The following STARD9 variants were observed in gnomAD, a reference collection of about 807,000 sequenced individuals.
STARD9 encodes the protein StAR related lipid transfer domain containing 9.
Under a neutral mutation model 399.8 loss-of-function variants are expected in STARD9, and 346 were observed. The observed-to-expected ratio is 0.87, with a 90% CI of 0.79 to 0.95. STARD9 has a LOEUF of 0.95. Ranked by LOEUF, STARD9 falls within the 40% of genes least tolerant of loss-of-function variation. The pLI, the probability that STARD9 is intolerant of heterozygous loss-of-function variation, is 0.00. For synonymous variants in STARD9, 2,203 were observed against 2,143.5 expected (o/e 1.03, Z -0.77); for missense variants, 5,832 against 5,667.5 (o/e 1.03, Z -0.93).
chr15:42,611,727 G>A (rs2058853891), intron 3 of STARD9, among the ~76,000 whole-genome samples: 1 of 152,122 alleles, frequency 6.6e-6, no homozygotes, highest in South Asian at 2.1e-4. Context: ...TTGTATTAGG[G>A]CTTTTTCAGG....
At chr15:42,603,847 T>C (rs1326869418) in intron 3 of STARD9, among the ~76,000 whole-genome samples, 1 of 152,124 alleles carries the variant, frequency 6.6e-6, no homozygotes, top group Non-Finnish European at 1.5e-5. Flanking sequence ...TGAAAAATAC[T>C]TCAATTCCTA....
chr15:42,593,811 C>A (rs1595596683), intron 3 of STARD9, among the ~76,000 whole-genome samples: 1 of 151,546 alleles, frequency 6.6e-6, no homozygotes, highest in East Asian at 1.9e-4. Flanking sequence ...CTACAGGCGC[C>A]CGCCACCACG....
intron 3 of STARD9, among the ~76,000 whole-genome samples, chr15:42,601,401 G>C (rs1167316852): frequency 6.6e-6 from 1 of 151,688 alleles, no homozygotes; most frequent in Admixed American, 6.6e-5. Flanking sequence ...ACGGGGTGGC[G>C]GCCGGGCAGA....
intron 26 of STARD9, among the ~76,000 whole-genome samples, chr15:42,699,485 C>G (rs2060917483): frequency 6.7e-6 from 1 of 150,026 alleles, no homozygotes; most frequent in Admixed American, 6.6e-5. Flanking sequence ...GCTCCGCCTC[C>G]CGGGTTCACG....
intron 3 of STARD9, among the ~76,000 whole-genome samples, chr15:42,588,776 GTTTTTTTTTTTTTTTTTTTTTTTTTTT>G (rs758570571): frequency 2.6e-5 from 1 of 38,382 alleles, no homozygotes; most frequent in Admixed American, 4.4e-4. Flanking sequence ...TCTTCACAGC[GTTTTTTTTTTTTTTTTTTTTTTTTTTT>G]TTTTTTTTTT....
chr15:42,714,015 A>G (rs2061303515), intron 26 of STARD9, among the ~76,000 whole-genome samples: 1 of 151,060 alleles, frequency 6.6e-6, no homozygotes, highest in African/African-American at 2.4e-5. Flanking sequence ...TTCTTTGATC[A>G]CTAATTTAGT....
chr15:42,596,135 C>T (rs1042135855), intron 3 of STARD9, among the ~76,000 whole-genome samples: 1 of 152,122 alleles, frequency 6.6e-6, no homozygotes, highest in African/African-American at 2.4e-5. Context: ...ATGGAAATTC[C>T]TTGTGGTAGC....
chr15:42,688,567 A>C lies in STARD9; in HGVS notation c.6989A>C (p.Asp2330Ala). The C allele has an allele frequency of 6.5e-7, 1 of 1,537,698 alleles. No individual in the cohort carries two copies. Among genetic ancestry groups the C allele is most frequent in the Non-Finnish European group, 8.7e-7 (1 of 1,147,028 alleles). Residue 2330 changes from aspartate to alanine, a missense_variant, in exon 23 of 33, where the codon GAC becomes GCC. Physicochemically the swap from Asp to Ala is moderately radical, Grantham distance 126. Transcript: ENST00000290607. Reference protein sequence around the residue: ...TEFCTAPLHQDLSNTLPLNSP... With the variant: ...TEFCTAPLHQALSNTLPLNSP... ...TTCTGTACAGCTCCTCTTCACCAAG[A>C]CCTGAGTAATACCTTGCCCTTGAAT...
At chr15:42,595,060 C>T (rs76465418) in intron 3 of STARD9, among the ~76,000 whole-genome samples, 141 of 152,202 alleles carry the variant, frequency 9.3e-4, no homozygotes, top group African/African-American at 3.2e-3. Flanking sequence ...TGTGACCTTC[C>T]CTTCTTTTAT....
intron 3 of STARD9, among the ~76,000 whole-genome samples, chr15:42,606,039 G>T (rs550749591): frequency 6.6e-6 from 1 of 152,198 alleles, no homozygotes; most frequent in Non-Finnish European, 1.5e-5. Flanking sequence ...TGGAAAAGTT[G>T]TACTTAATTT....
At chr15:42,619,284 T>C (rs528232360) in intron 3 of STARD9, among the ~76,000 whole-genome samples, 5 of 152,310 alleles carry the variant, frequency 3.3e-5, no homozygotes, top group South Asian at 2.1e-4. Flanking sequence ...ACCACTGATA[T>C]GCTTTTTGTT....
chr15:42,717,635 A>T, intron 28 of STARD9, 96 bp from the exon 29 acceptor site: 1 of 1,111,310 alleles, frequency 9.0e-7, no homozygotes, highest in Non-Finnish European at 1.3e-6. Flanking sequence ...AAAAAAAAAG[A>T]AAAGGGGAAT....
At chr15:42,653,271 C>T (rs1004878288) in intron 9 of STARD9, among the ~76,000 whole-genome samples, 3 of 152,120 alleles carry the variant, frequency 2.0e-5, no homozygotes, top group African/African-American at 7.2e-5. Context: ...GAGGTCAAGT[C>T]ATATCCCCAA....
In STARD9 at chr15:42,686,407, CAG is replaced by C; in HGVS notation, c.4833_4834del (p.Asn1612ArgfsTer11). The C allele has an allele frequency of 6.5e-7, 1 of 1,537,730 alleles. No homozygotes were observed. ...TCTACAAATGCACAGGTCTTTGCAA[CAG>C]AGAACGCGATACCAGATTCCATGAC... On this transcript the variant is annotated frameshift_variant, in exon 23 of 33. Transcript: ENST00000290607. LOFTEE classifies it high-confidence loss of function.
At chr15:42,583,538 G>C in intron 2 of STARD9, 123 bp downstream of exon 2, 1 of 631,092 alleles carries the variant, frequency 1.6e-6, no homozygotes. Flanking sequence ...TATATAAGAG[G>C]AATAGGGGGA....
At chr15:42,601,610 G>A (rs141297638) in intron 3 of STARD9, among the ~76,000 whole-genome samples, 8,481 of 151,048 alleles carry the variant, frequency 0.056, 568 homozygotes, top group Admixed American at 0.15. Flanking sequence ...GCGGCTGGCC[G>A]GGTGGGGGCT....
intron 9 of STARD9, among the ~76,000 whole-genome samples, chr15:42,656,105 C>T (rs1476017503): frequency 1.3e-5 from 2 of 151,976 alleles, no homozygotes; most frequent in Non-Finnish European, 1.5e-5. Context: ...CCTGTAATCC[C>T]AGCACTTTGG....
chr15:42,715,943 G>T (rs962355872), intron 26 of STARD9, among the ~76,000 whole-genome samples: 8 of 152,226 alleles, frequency 5.3e-5, no homozygotes, highest in Non-Finnish European at 1.0e-4. Context: ...TGAGAGCTAA[G>T]CCAGAGGCAG....
At chr15:42,604,546 C>T (rs1318721577) in intron 3 of STARD9, among the ~76,000 whole-genome samples, 1 of 147,634 alleles carries the variant, frequency 6.8e-6, no homozygotes, top group Non-Finnish European at 1.5e-5. Flanking sequence ...TTTGAAAAAA[C>T]GTGAAGAGGG....
Sources: allele counts gnomAD v4.1 joint callset (sites outside exome capture counted in the v4.1 genomes callset), GRCh38; gene constraint gnomAD v4.1.1; transcripts MANE v1.5; gene names NCBI Gene and HGNC (gene_info 2026-07-23, HGNC 2026-07-21).